Variants in CPNE8 observed in about 807,000 individuals in gnomAD.
The protein encoded by CPNE8 is copine 8.
A neutral mutation model predicts 81.5 loss-of-function variants in CPNE8; 45 were observed. That is an observed-to-expected ratio of 0.55 (90% CI 0.44 to 0.71). The LOEUF (loss-of-function observed/expected upper bound fraction) is 0.71, where lower values mean the gene tolerates loss of function less well. Ranked by LOEUF, CPNE8 falls within the 30% of genes least tolerant of loss-of-function variation. The pLI, the probability that CPNE8 is intolerant of heterozygous loss-of-function variation, is 0.00. For synonymous variants in CPNE8, 252 were observed against 226.3 expected (o/e 1.11, Z -1.02); for missense variants, 594 against 672.1 (o/e 0.88, Z 1.28).
At chr12:38,730,176 T>C in intron 11 of CPNE8, 107 bp downstream of exon 11, 1 of 717,480 alleles carries the variant, frequency 1.4e-6, no homozygotes. Context: ...TTACATACAC[T>C]GATACTTAGT....
rs1182405897 is a variant in CPNE8, at chr12:38,784,435, A to G, written c.408-8134T>C. Among the ~76,000 whole-genome samples the G allele has an allele frequency of 2.0e-5, 3 of 152,198 alleles. No homozygotes were observed. In the South Asian group the frequency reaches 6.2e-4, roughly 31 times the overall value. On this transcript the variant is annotated intron_variant, in intron 6 of 19. Transcript: ENST00000331366. ...CTTTTAAAAAGGAGGCAAAAAAGAG[A>G]CAGGAGGAGTAGAAAGTTTATTCAA...
rs1944555395 is a variant in CPNE8, at chr12:38,905,460, C to T, written c.75G>A (p.Arg25=). Residue 25 remains arginine, a synonymous_variant, in exon 1 of 20, where the codon CGG becomes CGA. Coordinates refer to ENST00000331366, the MANE Select transcript of CPNE8 (RefSeq NM_153634.3). The part of the protein sequence containing the change: ...NQLSAAIPAT[R]VEVSVSCRNL... Reference sequence around the variant, plus strand: ...ACCTGCAGGACACGGACACCTCCACCCGCGTGGCCGGGATGGCAGCGCTCA... The same window carrying T: ...ACCTGCAGGACACGGACACCTCCACTCGCGTGGCCGGGATGGCAGCGCTCA... The T allele has an allele frequency of 1.9e-6, 3 of 1,570,610 alleles. No individual in the cohort carries two copies. The highest frequency in any genetic ancestry group is 1.7e-6 in the Non-Finnish European group (2 of 1,157,858).
In CPNE8 at chr12:38,677,464, C is replaced by T. The variant is rs1447193905; in HGVS notation, c.1362G>A (p.Glu454=). The change falls in exon 17 of 20, where the codon GAG becomes GAA. Residue 454 remains glutamate, a synonymous_variant. Transcript: ENST00000331366. ...GACCCCCACTTACATTAACTATGGA[C>T]TCCTTAGTCTGGGCCATATCTGAGA... ...GVISDMAQTK[E]SIVNASKLPM... 1.9e-6 allele frequency: 3 copies of T among 1,596,756 alleles called. No homozygotes were observed. The highest frequency in any genetic ancestry group is 2.7e-5 in the African/African-American group (2 of 74,528).
At position 38,905,509 on chromosome 12, in the gene CPNE8, G is replaced by A. The variant is rs911582154; in HGVS notation, c.26C>T (p.Ala9Val). MDSRYNST[A>V]GIGDLNQLSA... The stretch of plus-strand genomic sequence containing the variant: ...CAGCTGGTTCAAGTCCCCGATGCCC[G>A]CAGTGCTGTTGTAGCGGCTGTCCAT... Residue 9 changes from alanine (A) to valine (V), a missense_variant, in exon 1 of 20, where the codon GCG becomes GTG. Coordinates refer to ENST00000331366, the MANE Select transcript of CPNE8 (RefSeq NM_153634.3). 1.3e-6 allele frequency: 2 copies of A among 1,571,172 alleles called. No homozygotes were observed. Among genetic ancestry groups the A allele is most frequent in the Middle Eastern group, 1.7e-4 (1 of 5,944 alleles).
intron 1 of CPNE8, among the ~76,000 whole-genome samples, chr12:38,902,057 T>C (rs1054923230): frequency 6.6e-6 from 1 of 151,836 alleles, no homozygotes; most frequent in Non-Finnish European, 1.5e-5. Context: ...CAAGCTTCAA[T>C]CGTTTATCTT....
chr12:38,829,341 A>C (rs1179052364), intron 6 of CPNE8, 38 bp downstream of exon 6: 1 of 1,366,300 alleles, frequency 7.3e-7, no homozygotes, highest in Non-Finnish European at 1.0e-6. Context: ...GAAACTGTTA[A>C]AGTTGGCATT....
intron 5 of CPNE8, among the ~76,000 whole-genome samples, chr12:38,834,893 T>TG: frequency 6.6e-6 from 1 of 152,094 alleles, no homozygotes; most frequent in African/African-American, 2.4e-5. Context: ...TTTTTTTTTT[T>TG]TTGAGATGGA....
At position 38,705,067 on chromosome 12, in the gene CPNE8, T is replaced by C. The variant is rs191144297; in HGVS notation, c.915-2146A>G. On this transcript the variant is annotated intron_variant, in intron 13 of 19. Transcript: ENST00000331366. ...AAAACACAAATACATGACAATGCTA[T>C]AAATACTGTAATAACCTGGAATCAC... Among the ~76,000 whole-genome samples, 396 of 151,632 alleles carry C rather than the reference T, an allele frequency of 2.6e-3. 2 individuals carry two copies. The highest frequency in any genetic ancestry group is 9.3e-3 in the African/African-American group (386 of 41,410).
chr12:38,858,021 A>G lies in CPNE8; in HGVS notation c.187-9359T>C, dbSNP rs141999650. Among the ~76,000 whole-genome samples, 467 of 152,340 alleles carry G rather than the reference A, an allele frequency of 3.1e-3. 5 individuals are homozygous for G. The highest frequency in any genetic ancestry group is 0.01 in the African/African-American group (432 of 41,578). On this transcript the variant is annotated intron_variant, in intron 3 of 19. Coordinates refer to ENST00000331366, the MANE Select transcript of CPNE8 (RefSeq NM_153634.3). ...ATTACAAGTACATTCTCTCTCTGAAATGTATATAAATCCTTTTGAAAACTC... is the reference window on the plus strand; with the variant it reads ...ATTACAAGTACATTCTCTCTCTGAAGTGTATATAAATCCTTTTGAAAACTC...
At chr12:38,797,400 C>G (rs756162695) in intron 6 of CPNE8, among the ~76,000 whole-genome samples, 1 of 152,170 alleles carries the variant, frequency 6.6e-6, no homozygotes, top group Non-Finnish European at 1.5e-5. Flanking sequence ...CGAAAATCCG[C>G]TCTTCTGCAG....
chr12:38,717,456 T>TATATATATATATATATATATATAC (rs1215784272), intron 13 of CPNE8, among the ~76,000 whole-genome samples: 4 of 139,500 alleles, frequency 2.9e-5, no homozygotes, highest in African/African-American at 1.1e-4. Context: ...TATATATATA[T>TATATATATATATATATATATATAC]ATACACCATG....
intron 10 of CPNE8, among the ~76,000 whole-genome samples, chr12:38,746,017 T>C (rs1327277733): frequency 6.6e-6 from 1 of 152,174 alleles, no homozygotes; most frequent in Non-Finnish European, 1.5e-5. Context: ...GTGATTCTCA[T>C]GCATACCTCC....
chr12:38,792,357 G>C (rs1374106318), intron 6 of CPNE8, among the ~76,000 whole-genome samples: 1 of 149,476 alleles, frequency 6.7e-6, no homozygotes, highest in Non-Finnish European at 1.5e-5. Context: ...CTACGAAAAA[G>C]AGAAATAAAA....
chr12:38,671,700 C>T (rs1939180923), intron 18 of CPNE8, among the ~76,000 whole-genome samples: 1 of 152,048 alleles, frequency 6.6e-6, no homozygotes, highest in South Asian at 2.1e-4. Flanking sequence ...CTCCCTGGCC[C>T]CAATACTGCT....
intron 3 of CPNE8, among the ~76,000 whole-genome samples, chr12:38,856,222 A>G (rs1395543372): frequency 6.6e-6 from 1 of 152,112 alleles, no homozygotes; most frequent in African/African-American, 2.4e-5. Context: ...AAAAGCAGTA[A>G]TCAAAAAGAA....
At chr12:38,714,221 T>A (rs1446909347) in intron 13 of CPNE8, among the ~76,000 whole-genome samples, 2 of 152,214 alleles carry the variant, frequency 1.3e-5, no homozygotes, top group Non-Finnish European at 2.9e-5. Context: ...ATAATAATAA[T>A]TGAAATAATT....
At chr12:38,809,552 T>C (rs895668377) in intron 6 of CPNE8, among the ~76,000 whole-genome samples, 4 of 152,198 alleles carry the variant, frequency 2.6e-5, no homozygotes, top group Non-Finnish European at 5.9e-5. Context: ...ATAACTATAG[T>C]TGTGACATCA....
intron 3 of CPNE8, among the ~76,000 whole-genome samples, chr12:38,849,527 ATAT>A (rs963133588): frequency 2.0e-4 from 30 of 152,364 alleles, no homozygotes; most frequent in African/African-American, 6.3e-4. Context: ...GTTCAATGAA[ATAT>A]TATCTTTTTA....
chr12:38,817,903 G>A (rs138422733), intron 6 of CPNE8, among the ~76,000 whole-genome samples: 304 of 152,194 alleles, frequency 2.0e-3, no homozygotes, highest in African/African-American at 6.8e-3. Context: ...GATTACGGGC[G>A]TGAGCCACTG....
Sources: allele counts gnomAD v4.1 joint callset (sites outside exome capture counted in the v4.1 genomes callset), GRCh38; gene constraint gnomAD v4.1.1; transcripts MANE v1.5; gene names NCBI Gene and HGNC (gene_info 2026-07-23, HGNC 2026-07-21).